Variants in NUBP2 observed in about 807,000 individuals in gnomAD.
The protein encoded by NUBP2 is cytosolic Fe-S cluster assembly factor NUBP2.
In NUBP2, 23 loss-of-function variants were observed where a neutral mutation model predicts 24.9. The observed-to-expected ratio is 0.92, with a 90% confidence interval of 0.66 to 1.31. The LOEUF is 1.31. NUBP2 is among the 50% of genes most tolerant of loss of function. The pLI, the probability that NUBP2 is intolerant of heterozygous loss-of-function variation, is 0.00. For missense variants in NUBP2, 403 were observed against 386.5 expected, an observed-to-expected ratio of 1.04 and a Z score of -0.36; for synonymous variants, 186 against 170.9, an observed-to-expected ratio of 1.09 and a Z score of -0.69.
chr16:1,788,125 C>T lies in NUBP2; in HGVS notation c.601-13C>T, dbSNP rs762855413. ...GGGCTTTGGGCAGTGCTGGGCTCAC[C>T]ACCGTCTCCTAGGAGTGCACCAGCG... On this transcript the variant is annotated splice_polypyrimidine_tract_variant and intron_variant, in intron 5 of 6. Coordinates refer to ENST00000262302, the MANE Select transcript of NUBP2 (RefSeq NM_012225.4). The T allele has an allele frequency of 3.4e-5, 53 of 1,550,726 alleles. No individual in the cohort carries two copies. The South Asian group carries it at 3.5e-4, about 10-fold the overall frequency.
intron 1 of NUBP2, chr16:1,785,617 T>G: frequency 1.6e-6 from 2 of 1,285,182 alleles, no homozygotes; most frequent in Non-Finnish European, 2.0e-6. Flanking sequence ...GAGGCCGTGG[T>G]CTCGGGGCTT....
chr16:1,786,546 A>G lies in NUBP2; in HGVS notation c.26A>G (p.Asn9Ser). 6.3e-7 allele frequency: 1 copy of G among 1,595,912 alleles called. No individual in the cohort carries two copies. Among genetic ancestry groups the G allele is most frequent in the South Asian group, 1.1e-5 (1 of 90,242 alleles). Residue 9 changes from asparagine (N) to serine (S), a missense_variant, in exon 2 of 7, where the codon AAC (asparagine) becomes AGC (serine). Physicochemically the swap from Asn to Ser is conservative, Grantham distance 46. Coordinates refer to ENST00000262302, the MANE Select transcript of NUBP2 (RefSeq NM_012225.4). MEAAAEPGNLAGVRHIILV... is the reference protein window; with the variant it reads MEAAAEPGSLAGVRHIILV... ...TCGTGTTTCCGCCCAGAGCCTGGAA[A>G]CCTGGCCGGCGTCAGGCACATCATC...
At position 1,786,861 on chromosome 16, in the gene NUBP2, C is replaced by T; in HGVS notation, c.240C>T (p.Phe80=). 1 of 1,592,430 alleles carries T rather than the reference C, an allele frequency of 6.3e-7. No individual in the cohort carries two copies. Among genetic ancestry groups the T allele is most frequent in the Non-Finnish European group, 8.6e-7 (1 of 1,165,290 alleles). The part of the protein sequence containing the change: ...HQCDRGWAPV[F]LDREQSISLM... ...GCGACCGCGGCTGGGCACCCGTCTT[C>T]CTGGACCGGGAGCAGAGCATCTCGC... is the stretch of plus-strand genomic sequence containing the variant. Residue 80 remains phenylalanine (F), a synonymous_variant, in exon 3 of 7, where the codon TTC becomes TTT. Coordinates refer to ENST00000262302, the MANE Select transcript of NUBP2 (RefSeq NM_012225.4).
At chr16:1,785,026 T>C in intron 1 of NUBP2, 1 of 945,504 alleles carries the variant, frequency 1.1e-6, no homozygotes, top group Non-Finnish European at 1.3e-6. Flanking sequence ...TACTCCAGCC[T>C]GGGCGACAGA....
rs150913538 is a variant in NUBP2 at position 1,788,000 on chromosome 16, G to C, written c.549G>C (p.Arg183=). The change falls in exon 5 of 7, where the codon CGG becomes CGC. Residue 183 remains arginine (R), a synonymous_variant. Coordinates refer to ENST00000262302, the MANE Select transcript of NUBP2 (RefSeq NM_012225.4). ...ELTFCRKTGL[R]VMGIVENMSG... is the part of the protein sequence containing the mutation. ...CCTTCTGTAGGAAGACGGGCTTGCG[G>C]GTGATGGGAATCGTGGAGAATATGA... The C allele has an allele frequency of 1.5e-4, 244 of 1,604,902 alleles. No individual in the cohort carries two copies. The African/African-American group carries it at 2.9e-3, about 19-fold the overall frequency.
At chr16:1,788,417 C>G (rs1186193637) in intron 6 of NUBP2, 152 bp from the exon 7 acceptor site, 35 of 1,272,412 alleles carry the variant, frequency 2.8e-5, no homozygotes, top group Non-Finnish European at 3.6e-5. Flanking sequence ...AGGACCCAGC[C>G]TGCTGGGAGG....
chr16:1,784,095 CTTT>C (rs759541816), intron 1 of NUBP2: 628 of 741,700 alleles, frequency 8.5e-4, no homozygotes, highest in Non-Finnish European at 9.4e-4. Flanking sequence ...TTGATAGAAG[CTTT>C]TTTTTTTTTT....
rs1327698940 is a variant in NUBP2 at position 1,786,886 on chromosome 16, C to T, written c.265C>T (p.Leu89Phe). The T allele has an allele frequency of 6.4e-7, 1 of 1,572,616 alleles. No homozygotes were observed. Among genetic ancestry groups the T allele is most frequent in the Non-Finnish European group, 8.7e-7 (1 of 1,153,250 alleles). Residue 89 changes from leucine to phenylalanine, a missense_variant, in exon 3 of 7, where the codon CTC (leucine) becomes TTC (phenylalanine). Physicochemically the swap from Leu to Phe is conservative, Grantham distance 22. Coordinates refer to ENST00000262302, the MANE Select transcript of NUBP2 (RefSeq NM_012225.4). Reference protein sequence around the residue: ...VFLDREQSISLMSVGFLLEKP... With the variant: ...VFLDREQSISFMSVGFLLEKP... ...CCTGGACCGGGAGCAGAGCATCTCG[C>T]TCATGTCTGTGGGCTTCCTGCTGGA... is the stretch of plus-strand genomic sequence containing the variant.
chr16:1,786,166 G>C (rs956059681), intron 1 of NUBP2: 6 of 279,788 alleles, frequency 2.1e-5, no homozygotes, highest in Non-Finnish European at 2.0e-5. Context: ...TCTGGTTCCC[G>C]TTAGAAATAG....
At chr16:1,786,392 G>A (rs3829540) in intron 1 of NUBP2, 145 bp from the exon 2 acceptor site, 185,581 of 752,694 alleles carry the variant, frequency 0.25, 24,675 homozygotes, top group South Asian at 0.43. Context: ...ACATCGGGGC[G>A]AAGTGGGGCA....
intron 1 of NUBP2, chr16:1,783,390 C>CGA (rs1896813920): frequency 9.4e-7 from 1 of 1,060,084 alleles, no homozygotes; most frequent in Non-Finnish European, 1.1e-6. Context: ...CGGGCAAGAG[C>CGA]GAGACCCTGT....
chr16:1,785,440 C>T (rs1896916666), intron 1 of NUBP2: 6 of 1,182,536 alleles, frequency 5.1e-6, no homozygotes, highest in African/African-American at 3.2e-5. Context: ...TTAACACTGC[C>T]GCTGGTGCCA....
chr16:1,783,104 G>A (rs1048025762), intron 1 of NUBP2, 68 bp downstream of exon 1: 1 of 1,222,070 alleles, frequency 8.2e-7, no homozygotes, highest in Non-Finnish European at 1.0e-6. Context: ...GTCCCTTCCC[G>A]GGGCGGCCTC....
At position 1,785,163 on chromosome 16, in the gene NUBP2, C is replaced by T. The variant is rs753207951; in HGVS notation, c.17-1374C>T. On this transcript the variant is annotated intron_variant, in intron 1 of 6. Coordinates refer to ENST00000262302, the MANE Select transcript of NUBP2 (RefSeq NM_012225.4). The stretch of plus-strand genomic sequence containing the variant: ...ACTCATTGTCCATGGAGAGCGCACT[C>T]GCCTTCCTCGGGGAGATGGTGCTTC... 4.1e-4 allele frequency: 409 copies of T among 997,458 alleles called. 1 individual carries two copies. Among genetic ancestry groups the T allele is most frequent in the Non-Finnish European group, 4.6e-4 (389 of 836,644 alleles). 61.8% of individuals were successfully genotyped at this position (997,458 alleles called of 1,614,324 possible).
chr16:1,783,307 C>T, intron 1 of NUBP2: 1 of 1,129,270 alleles, frequency 8.9e-7, no homozygotes, highest in African/African-American at 1.6e-5. Flanking sequence ...TTGAGCACCG[C>T]GTTGTAGGCG....
At chr16:1,786,476 C>T (rs754113462) in intron 1 of NUBP2, 61 bp from the exon 2 acceptor site, 125 of 1,429,066 alleles carry the variant, frequency 8.7e-5, no homozygotes, top group East Asian at 2.5e-4. Context: ...TGGGTGACCC[C>T]GCGTGTGTGG....
intron 6 of NUBP2, among the ~76,000 whole-genome samples, 169 bp from the exon 7 acceptor site, chr16:1,788,400 G>A (rs550345270): frequency 2.6e-5 from 4 of 152,300 alleles, no homozygotes; most frequent in South Asian, 2.1e-4. Flanking sequence ...GGGCCCTCTC[G>A]GGTGGCAGGA....
In NUBP2 at chr16:1,786,829, C is replaced by T. The variant is rs766295970; in HGVS notation, c.208C>T (p.His70Tyr). ...RMLGAQGRAV[H>Y]QCDRGWAPVF... is the part of the protein sequence containing the mutation. ...GCTCGGGGCGCAGGGCAGGGCTGTG[C>T]ACCAGTGCGACCGCGGCTGGGCACC... The change falls in exon 3 of 7, where the codon CAC (histidine) becomes TAC (tyrosine). Residue 70 changes from histidine (H) to tyrosine (Y), a missense_variant. Coordinates refer to ENST00000262302, the MANE Select transcript of NUBP2 (RefSeq NM_012225.4). 6.2e-7 allele frequency: 1 copy of T among 1,603,056 alleles called. No individual in the cohort carries two copies. The highest frequency in any genetic ancestry group is 1.7e-5 in the Admixed American group (1 of 59,572).
In NUBP2 at chr16:1,786,819, C is replaced by T. The variant is rs773366482; in HGVS notation, c.198C>T (p.Gly66=). ...PSIPRMLGAQ[G]RAVHQCDRGW... is the part of the protein sequence containing the mutation. ...TCCCCCGCATGCTCGGGGCGCAGGG[C>T]AGGGCTGTGCACCAGTGCGACCGCG... The change falls in exon 3 of 7, where the codon GGC becomes GGT. Residue 66 remains glycine, a synonymous_variant. Coordinates refer to ENST00000262302, the MANE Select transcript of NUBP2 (RefSeq NM_012225.4). The T allele has an allele frequency of 1.2e-6, 2 of 1,608,372 alleles. No homozygotes were observed. Among genetic ancestry groups the T allele is most frequent in the South Asian group, 1.1e-5 (1 of 90,864 alleles).
Sources: gnomAD v4.1 joint callset for allele counts (sites outside exome capture counted in the v4.1 genomes callset) on GRCh38, gnomAD v4.1.1 for gene constraint, MANE v1.5 for transcripts, NCBI Gene and HGNC (gene_info 2026-07-23, HGNC 2026-07-21) for gene names.